ZNF391: variants seen among roughly 807,000 people sequenced by gnomAD.
ZNF391 encodes zinc finger protein 391.
For synonymous variants in ZNF391, 126 were observed against 142.1 expected, an observed-to-expected ratio of 0.89 and a Z score of 0.80; for missense variants, 375 against 425.5, an observed-to-expected ratio of 0.88 and a Z score of 1.04.
rs1761386905 is a variant in ZNF391, at chr6:27,374,776, GC to G, written n.165del. ...CTGAGCCCGGAATTTTATGACCAGC[GC>G]CCGCTGGCCGTCGTCACCCTCTAAT... On this transcript the variant is annotated non_coding_transcript_exon_variant, in exon 1 of 3. Transcript: ENST00000477999. The surrounding 1 kb of genome is among the most constrained non-coding windows in gnomAD (Gnocchi z 5.3). 2 of 152,216 alleles carry G rather than the reference GC, an allele frequency of 1.3e-5. No homozygotes were observed. Among genetic ancestry groups the G allele is most frequent in the Non-Finnish European group, 2.9e-5 (2 of 68,058 alleles). 9.4% of individuals were successfully genotyped at this position (152,216 alleles called of 1,614,324 possible).
intron 1 of ZNF391, among the ~76,000 whole-genome samples, chr6:27,382,034 CA>C (rs58338028): frequency 7.6e-4 from 67 of 88,338 alleles, no homozygotes; most frequent in Middle Eastern, 0.01. Flanking sequence ...GACTCCATCT[CA>C]AAAAAAAAAA....
Position 27,400,517 on chromosome 6 carries a change from A to G in ZNF391, c.147A>G (p.Thr49=). 3 of 1,614,188 alleles carry G rather than the reference A, an allele frequency of 1.9e-6. No homozygotes were observed. The highest frequency in any genetic ancestry group is 2.5e-6 in the Non-Finnish European group (3 of 1,180,024). Residue 49 remains threonine, a synonymous_variant, in exon 3 of 3, where the codon ACA becomes ACG. Coordinates refer to ENST00000244576, the MANE Select transcript of ZNF391 (RefSeq NM_001076781.3). ...ENTVVRKVSV[T]LKEIFTGEEG... ...CAGTGGTCAGAAAAGTGTCAGTGAC[A>G]CTCAAAGAAATTTTCACAGGGGAGG...
At chr6:27,379,512 C>T (rs888406721) in intron 1 of ZNF391, among the ~76,000 whole-genome samples, 1 of 152,182 alleles carries the variant, frequency 6.6e-6, no homozygotes, top group African/African-American at 2.4e-5. Context: ...CCTTATCTTA[C>T]CTTTTAATCT....
chr6:27,389,140 G>A, intron 1 of ZNF391, 65 bp downstream of exon 1: 1 of 456,676 alleles, frequency 2.2e-6, no homozygotes. Context: ...GGGCGAAAGG[G>A]TCGCGTGTGG....
intron 1 of ZNF391, among the ~76,000 whole-genome samples, chr6:27,382,645 T>A (rs1883405): frequency 0.71 from 108,244 of 151,794 alleles, 38,753 homozygotes; most frequent in Middle Eastern, 0.8. Context: ...GTAGACACCA[T>A]ACAAGAATAG....
chr6:27,380,619 T>G (rs1437804612), intron 1 of ZNF391, among the ~76,000 whole-genome samples: 2 of 152,208 alleles, frequency 1.3e-5, no homozygotes, highest in Non-Finnish European at 2.9e-5. Flanking sequence ...CCCACCCACA[T>G]CCTGCTGATT....
chr6:27,394,852 T>C (rs1761790444), intron 1 of ZNF391, among the ~76,000 whole-genome samples: 2 of 152,236 alleles, frequency 1.3e-5, no homozygotes, highest in Non-Finnish European at 2.9e-5. Flanking sequence ...ATATAGGAGC[T>C]TATTTTGGAG....
Position 27,379,835 on chromosome 6 carries a change from A to G in ZNF391, n.523+4698A>G, listed in dbSNP as rs555656785. 2.6e-5 allele frequency among the ~76,000 whole-genome samples: 4 copies of G among 152,336 alleles called. No homozygotes were observed. The East Asian group carries it at 5.8e-4, about 22-fold the overall frequency. On this transcript the variant is annotated intron_variant and non_coding_transcript_variant, in intron 1 of 2. Coordinates refer to the ZNF391 transcript ENST00000477999. ...ATCAGGGCCTAACAGACCTTAGGAA[A>G]TGGAAATACCCAACTTCAGTCATCT...
At chr6:27,397,831 T>C (rs946766332) in intron 1 of ZNF391, among the ~76,000 whole-genome samples, 1 of 152,190 alleles carries the variant, frequency 6.6e-6, no homozygotes, top group African/African-American at 2.4e-5. Context: ...GGTTTCACCA[T>C]GTTGGCCAGG....
chr6:27,378,403 G>A (rs1761449239), intron 1 of ZNF391, among the ~76,000 whole-genome samples: 1 of 151,938 alleles, frequency 6.6e-6, no homozygotes, highest in Non-Finnish European at 1.5e-5. Context: ...ATTTGGGTAG[G>A]TAAAGGAAAA....
At chr6:27,400,201 G>A in intron 2 of ZNF391, 92 bp from the exon 3 acceptor site, 1 of 552,178 alleles carries the variant, frequency 1.8e-6, no homozygotes, top group Non-Finnish European at 3.1e-6. Flanking sequence ...TAGTATGCAT[G>A]AATTCAAATT....
chr6:27,400,848 A>T lies in ZNF391; in HGVS notation c.478A>T (p.Thr160Ser), dbSNP rs1332363413. 1 of 1,614,232 alleles carries T rather than the reference A, an allele frequency of 6.2e-7. No homozygotes were observed. Among genetic ancestry groups the T allele is most frequent in the Non-Finnish European group, 8.5e-7 (1 of 1,180,040 alleles). Residue 160 changes from threonine (T) to serine (S), a missense_variant, in exon 3 of 3, where the codon ACT becomes TCT. Transcript: ENST00000244576. ...CCTTATTGAACATCAAAGAACTCACACTGGAGAGAAACCTTATGAATGCAA... is the reference window on the plus strand; with the variant it reads ...CCTTATTGAACATCAAAGAACTCACTCTGGAGAGAAACCTTATGAATGCAA... ...THLIEHQRTH[T>S]GEKPYECNEC...
At position 27,376,144 on chromosome 6, in the gene ZNF391, T is replaced by C. The variant is rs1761414975; in HGVS notation, n.523+1007T>C. Reference sequence around the variant, plus strand: ...AATCACTCTCTTTAAATGTTTATTGTTTCCTTATCAATGACATGCCCACCT... The same window carrying C: ...AATCACTCTCTTTAAATGTTTATTGCTTCCTTATCAATGACATGCCCACCT... On this transcript the variant is annotated intron_variant and non_coding_transcript_variant, in intron 1 of 2. Coordinates refer to the ZNF391 transcript ENST00000477999. This position sits in a 1 kb window ranked among gnomAD's most constrained non-coding sequence, Gnocchi z 4.7. Among the ~76,000 whole-genome samples the C allele has an allele frequency of 6.6e-6, 1 of 152,214 alleles. No individual in the cohort carries two copies. The highest frequency in any genetic ancestry group is 6.5e-5 in the Admixed American group (1 of 15,284).
intron 1 of ZNF391, among the ~76,000 whole-genome samples, chr6:27,378,578 G>A (rs1761451512): frequency 6.6e-6 from 1 of 152,124 alleles, no homozygotes; most frequent in Non-Finnish European, 1.5e-5. Flanking sequence ...GTGGTGGAAT[G>A]CCGTCAGTTA....
Position 27,401,118 on chromosome 6 carries a change from G to T in ZNF391, c.748G>T (p.Glu250Ter), listed in dbSNP as rs1761952057. The T allele has an allele frequency of 6.2e-7, 1 of 1,614,088 alleles. No individual in the cohort carries two copies. Among genetic ancestry groups the T allele is most frequent in the Non-Finnish European group, 8.5e-7 (1 of 1,180,036 alleles). The change falls in exon 3 of 3, where the codon GAA becomes TAA. Residue 250 changes from glutamate to a stop codon, truncating the protein, a stop_gained. Transcript: ENST00000244576. LOFTEE classifies it low-confidence loss of function (END_TRUNC). ...AATACACACTGGAGAGAATCCCTAT[G>T]AATGCAGTAAATGTGGAAAAGCTTT... ...QRIHTGENPYECSKCGKAFSW... is the reference protein window; with the variant it reads ...QRIHTGENPY
At chr6:27,377,003 T>C (rs1452305697) in intron 1 of ZNF391, among the ~76,000 whole-genome samples, 1 of 152,132 alleles carries the variant, frequency 6.6e-6, no homozygotes, top group Non-Finnish European at 1.5e-5. Flanking sequence ...GTAATGGTTG[T>C]GAGAACACAA....
chr6:27,389,145 G>T (rs1224523382), intron 1 of ZNF391, 70 bp downstream of exon 1: 2 of 456,542 alleles, frequency 4.4e-6, no homozygotes, highest in Non-Finnish European at 8.8e-6. Context: ...AAAGGGTCGC[G>T]TGTGGTTTGG....
upstream of ZNF391, among the ~76,000 whole-genome samples, chr6:27,388,474 A>G (rs147465418): frequency 4.3e-4 from 65 of 152,256 alleles, 1 homozygote; most frequent in African/African-American, 1.5e-3. Flanking sequence ...AATCTTGTGA[A>G]GCTGTATTTT....
At chr6:27,394,189 AAG>A (rs1212035616) in intron 1 of ZNF391, among the ~76,000 whole-genome samples, 2 of 152,226 alleles carry the variant, frequency 1.3e-5, no homozygotes, top group Non-Finnish European at 2.9e-5. Context: ...AAATAGGAAA[AAG>A]GCCTCAAAGG....
Sources: gnomAD v4.1 joint callset for allele counts (sites outside exome capture counted in the v4.1 genomes callset) on GRCh38, gnomAD v4.1.1 for gene constraint, Gnocchi (gnomAD v3.1) non-coding constraint, MANE v1.5 for transcripts, NCBI Gene and HGNC (gene_info 2026-07-23, HGNC 2026-07-21) for gene names.